Variants in NEXMIF observed in about 807,000 individuals in gnomAD.
The protein encoded by NEXMIF is XLMR protein related to neurite extension.
A neutral mutation model predicts 62.1 loss-of-function variants in NEXMIF; 8 were observed. The ratio of observed to expected loss-of-function variants is 0.13; its 90% CI spans 0.08 to 0.23. The LOEUF is 0.23. NEXMIF is among the 10% of genes least tolerant of loss of function. The probability of loss-of-function intolerance (pLI) is 1.00; values close to 1 mark genes in which losing one functional copy is unlikely to be tolerated. For missense variants in NEXMIF, 976 were observed against 1,113.3 expected, an observed-to-expected ratio of 0.88 and a Z score of 1.75; for synonymous variants, 404 against 416.6, an observed-to-expected ratio of 0.97 and a Z score of 0.37.
chrX:74,805,425 T>C (rs922886065), intron 1 of NEXMIF, among the ~76,000 whole-genome samples: 2 of 112,379 alleles, frequency 1.8e-5, no homozygotes, highest in Middle Eastern at 4.6e-3. Context: ...GTGAGATGCA[T>C]AGTATGCAAA....
chrX:74,790,337 C>A (rs1279369088), intron 1 of NEXMIF, among the ~76,000 whole-genome samples: 5 of 112,940 alleles, frequency 4.4e-5, no homozygotes, highest in African/African-American at 1.3e-4. Context: ...TGATCTATAT[C>A]TCTGTTTTGG....
chrX:74,741,805 C>T lies in NEXMIF; in HGVS notation c.2752G>A (p.Ala918Thr), dbSNP rs761389526. 2.5e-6 allele frequency: 3 copies of T among 1,212,025 alleles called. No individual in the cohort carries two copies. Among genetic ancestry groups the T allele is most frequent in the Non-Finnish European group, 3.3e-6 (3 of 895,554 alleles). The change falls in exon 3 of 4, where the codon GCC (alanine) becomes ACC (threonine). Residue 918 changes from alanine to threonine, a missense_variant. Coordinates refer to ENST00000055682, the MANE Select transcript of NEXMIF (RefSeq NM_001008537.3). ...TTTTCCATGGAGACTACTTGGGAGG[C>T]TCCAAATTCACTGGATTGGGTTGGG... is the stretch of plus-strand genomic sequence containing the variant. ...IAPTQSSEFGASQVVSMENNL... is the reference protein window; with the variant it reads ...IAPTQSSEFGTSQVVSMENNL...
rs2080076713 is a variant in NEXMIF, at chrX:74,733,200, A to G, written c.*6205T>C. The G allele has an allele frequency of 8.9e-6, 1 of 112,257 alleles. No homozygotes were observed. The highest frequency in any genetic ancestry group is 3.2e-5 in the African/African-American group (1 of 30,883). The allele number at this position is 112,257 out of a possible 1,213,427, so 9.3% of individuals were successfully genotyped here. On this transcript the variant is annotated 3_prime_UTR_variant, in exon 4 of 4. Coordinates refer to ENST00000055682, the MANE Select transcript of NEXMIF (RefSeq NM_001008537.3). ...ATGCTGCTGGTCTAGTCAAAGTATTATTCAAAGTATGATTAGAACCTTCTA... is the reference window on the plus strand; with the variant it reads ...ATGCTGCTGGTCTAGTCAAAGTATTGTTCAAAGTATGATTAGAACCTTCTA...
chrX:74,900,474 A>G (rs5981708), intron 1 of NEXMIF, among the ~76,000 whole-genome samples: 23 of 105,991 alleles, frequency 2.2e-4, no homozygotes, highest in African/African-American at 7.2e-4. Flanking sequence ...AAAAAAAAAA[A>G]AAAAAGAAAA....
intron 1 of NEXMIF, among the ~76,000 whole-genome samples, chrX:74,782,005 C>G (rs138346859): frequency 0.011 from 1,192 of 112,255 alleles, 17 homozygotes; most frequent in African/African-American, 0.037. Flanking sequence ...ATATAGGGAA[C>G]TAACCAGATG....
At chrX:74,768,851 G>C (rs777232514) in intron 1 of NEXMIF, among the ~76,000 whole-genome samples, 1 of 111,902 alleles carries the variant, frequency 8.9e-6, no homozygotes, top group African/African-American at 3.2e-5. Context: ...ATAAAACTGG[G>C]TCCCGCTCAG....
intron 1 of NEXMIF, among the ~76,000 whole-genome samples, chrX:74,848,222 G>A (rs2080499719): frequency 8.9e-6 from 1 of 112,263 alleles, no homozygotes. Context: ...AGTTGAGCTA[G>A]TAATTAACAC....
chrX:74,845,821 C>T (rs2080490143), intron 1 of NEXMIF, among the ~76,000 whole-genome samples: 1 of 110,382 alleles, frequency 9.1e-6, no homozygotes, highest in Non-Finnish European at 1.9e-5. Flanking sequence ...TACATGAAGC[C>T]CCCAAGCCCT....
At chrX:74,757,580 T>A (rs1167603002) in intron 1 of NEXMIF, among the ~76,000 whole-genome samples, 2 of 112,086 alleles carry the variant, frequency 1.8e-5, no homozygotes, top group African/African-American at 6.5e-5. Context: ...TCTTTGCCCA[T>A]TTTAGACCAT....
intron 1 of NEXMIF, among the ~76,000 whole-genome samples, chrX:74,795,493 A>T (rs941510117): frequency 8.9e-6 from 1 of 111,782 alleles, no homozygotes; most frequent in Admixed American, 9.5e-5. Flanking sequence ...ATAAAACTAT[A>T]GGGATGGGAT....
intron 1 of NEXMIF, among the ~76,000 whole-genome samples, chrX:74,808,655 G>A (rs755842476): frequency 8.0e-5 from 9 of 111,970 alleles, no homozygotes; most frequent in South Asian, 7.5e-4. Flanking sequence ...TAACTTCTTC[G>A]TTAAAAGTTT....
At chrX:74,824,363 G>A (rs775228154) in intron 1 of NEXMIF, among the ~76,000 whole-genome samples, 47 of 111,789 alleles carry the variant, frequency 4.2e-4, no homozygotes, top group Non-Finnish European at 6.4e-4. Context: ...GTGAAAACAT[G>A]CGGTATTTGT....
At chrX:74,828,905 T>C (rs1246721271) in intron 1 of NEXMIF, among the ~76,000 whole-genome samples, 1 of 111,890 alleles carries the variant, frequency 8.9e-6, no homozygotes, top group African/African-American at 3.2e-5. Flanking sequence ...ATTTACTGCT[T>C]TGCATCTAAA....
chrX:74,820,848 C>T (rs2080392805), intron 1 of NEXMIF, among the ~76,000 whole-genome samples: 1 of 110,849 alleles, frequency 9.0e-6, no homozygotes, highest in Admixed American at 9.7e-5. Context: ...GAACAATGGA[C>T]ACTGGGGCCT....
At chrX:74,890,743 CTGAA>C (rs1443163641) in intron 1 of NEXMIF, among the ~76,000 whole-genome samples, 43 of 111,298 alleles carry the variant, frequency 3.9e-4, no homozygotes, top group African/African-American at 1.2e-3. Flanking sequence ...TGCCTAAATA[CTGAA>C]TGGCCAAGTG....
intron 1 of NEXMIF, among the ~76,000 whole-genome samples, chrX:74,813,286 T>G (rs1402239987): frequency 9.0e-6 from 1 of 111,095 alleles, no homozygotes; most frequent in East Asian, 2.8e-4. Flanking sequence ...GGCAGATATA[T>G]AAAATAACAT....
chrX:74,740,762 A>T lies in NEXMIF; in HGVS notation c.3795T>A (p.Gly1265=), dbSNP rs777043773. 3.3e-6 allele frequency: 4 copies of T among 1,210,765 alleles called. No individual in the cohort carries two copies. In the African/African-American group the frequency reaches 7.0e-5, roughly 21 times the overall value. The part of the protein sequence containing the change: ...GKTLAECIQH[G]GPMASMKMPS... The stretch of plus-strand genomic sequence containing the variant: ...GCATCTTCATAGAGGCCATAGGGCC[A>T]CCATGTTGGATACATTCAGCCAATG... Residue 1265 remains glycine (G), a synonymous_variant, in exon 3 of 4, where the codon GGT becomes GGA. Transcript: ENST00000055682.
At chrX:74,891,413 G>A (rs2080717498) in intron 1 of NEXMIF, among the ~76,000 whole-genome samples, 1 of 110,335 alleles carries the variant, frequency 9.1e-6, no homozygotes, top group Non-Finnish European at 1.9e-5. Context: ...TGCTTAAGAG[G>A]TACAAATATT....
chrX:74,842,568 G>C (rs2080477491), intron 1 of NEXMIF, among the ~76,000 whole-genome samples: 1 of 111,407 alleles, frequency 9.0e-6, no homozygotes, highest in African/African-American at 3.3e-5. Flanking sequence ...ATGTTAGGTT[G>C]TTAATTTGAG....
Sources: allele counts gnomAD v4.1 joint callset (sites outside exome capture counted in the v4.1 genomes callset), GRCh38; gene constraint gnomAD v4.1.1; transcripts MANE v1.5; gene names NCBI Gene and HGNC (gene_info 2026-07-23, HGNC 2026-07-21).